The following B9D1 variants were observed in gnomAD, a reference collection of about 807,000 sequenced individuals.
B9D1 encodes B9 domain-containing protein 1.
Under a neutral mutation model 26.1 loss-of-function variants are expected in B9D1, and 20 were observed. That is an observed-to-expected ratio of 0.77 (90% CI 0.54 to 1.12). B9D1 has a LOEUF of 1.12. Among genes scored for constraint, B9D1 ranks in the 50% most tolerant of loss-of-function variants. The pLI is 0.00. For synonymous variants in B9D1, 105 were observed against 103.1 expected, an observed-to-expected ratio of 1.02 and a Z score of -0.11; for missense variants, 260 against 273.7, an observed-to-expected ratio of 0.95 and a Z score of 0.35.
Position 19,352,514 on chromosome 17 carries a change from ATTTTTTTTTT to A in B9D1, c.245-4644_245-4635del, listed in dbSNP as rs34659490. On this transcript the variant is annotated intron_variant, in intron 3 of 6. Coordinates refer to ENST00000261499, the MANE Select transcript of B9D1 (RefSeq NM_015681.6). ...TAGGCACCTGCCACGGGCCTGGCTA[ATTTTTTTTTT>A]TTTTTTTTTTTTTTGAGACGGAGTT... 1.7e-4 allele frequency among the ~76,000 whole-genome samples: 16 copies of A among 95,138 alleles called. No homozygotes were observed. The South Asian group carries it at 6.1e-3, about 36-fold the overall frequency. The allele number at this position is 95,138 out of a possible 152,430, so 62.4% of individuals were successfully genotyped here.
Position 19,347,669 on chromosome 17 carries a change from G to C in B9D1, c.341+115C>G. The C allele has an allele frequency of 9.4e-7, 1 of 1,063,478 alleles. No individual in the cohort carries two copies. Among genetic ancestry groups the C allele is most frequent in the South Asian group, 1.4e-5 (1 of 74,038 alleles). The allele number at this position is 1,063,478 out of a possible 1,614,324, so 65.9% of individuals were successfully genotyped here. A position where few individuals can be genotyped will look rare whatever the true frequency, so the allele number is the denominator to read the frequency against. ...ACCCCCCTGGCCACCAGGCTGAGCT[G>C]CCCAGGCCCCTGGAGACCCCAGAGC... is the stretch of plus-strand genomic sequence containing the variant. On this transcript the variant is annotated intron_variant, in intron 4 of 6. Coordinates refer to ENST00000261499, the MANE Select transcript of B9D1 (RefSeq NM_015681.6). The surrounding 1 kb of genome is among the most constrained non-coding windows in gnomAD (Gnocchi z 4.3).
intron 1 of B9D1, among the ~76,000 whole-genome samples, chr17:19,369,033 T>C (rs1247918981): frequency 6.6e-6 from 1 of 152,090 alleles, no homozygotes; most frequent in Non-Finnish European, 1.5e-5. Flanking sequence ...AGCTACATTT[T>C]CCCCCTCTGA....
upstream of B9D1, among the ~76,000 whole-genome samples, chr17:19,367,237 C>T (rs1272020639): frequency 6.6e-6 from 1 of 152,072 alleles, no homozygotes; most frequent in Non-Finnish European, 1.5e-5. Context: ...GCCTCTGCAC[C>T]TGCACATGAC....
upstream of B9D1, among the ~76,000 whole-genome samples, chr17:19,363,336 G>A (rs1343643702): frequency 6.6e-6 from 1 of 152,262 alleles, no homozygotes; most frequent in African/African-American, 2.4e-5. Context: ...ACCCCAATCA[G>A]CCAGCGCTCA....
At chr17:19,356,907 C>G (rs1051298490) in intron 3 of B9D1, among the ~76,000 whole-genome samples, 3 of 152,170 alleles carry the variant, frequency 2.0e-5, no homozygotes, top group Non-Finnish European at 2.9e-5. Context: ...TGCACTGTTC[C>G]AGGAAGTCTA....
chr17:19,377,835 G>A (rs911670217), intron 1 of B9D1: 1 of 985,398 alleles, frequency 1.0e-6, no homozygotes, highest in Non-Finnish European at 1.2e-6. Context: ...TCGCGGGACA[G>A]ACAAACGAGC....
In B9D1 at chr17:19,374,689, TATC is replaced by T. The variant is rs1247334872; in HGVS notation, c.-298+3167_-298+3169del. ...TAAATAGGTTATATTCGTAAAGGAA[TATC>T]ATGCAGCTGTAAAAATGAGTGCTTT... On this transcript the variant is annotated intron_variant, in intron 1 of 5. Transcript: ENST00000477478. Among the ~76,000 whole-genome samples the T allele has an allele frequency of 3.3e-5, 5 of 152,198 alleles. No homozygotes were observed. The East Asian group carries it at 9.6e-4, about 29-fold the overall frequency.
Position 19,370,116 on chromosome 17 carries a change from C to G in B9D1, c.-298+7743G>C, listed in dbSNP as rs571161145. ...TCAGAGAACTTGGGTACTTCACCGACGGCCACCTCCCATCGCCCTTTCATT... is the reference window on the plus strand; with the variant it reads ...TCAGAGAACTTGGGTACTTCACCGAGGGCCACCTCCCATCGCCCTTTCATT... On this transcript the variant is annotated intron_variant, in intron 1 of 5. Coordinates refer to the B9D1 transcript ENST00000477478. This position sits in a 1 kb window ranked among gnomAD's most constrained non-coding sequence, Gnocchi z 5.1. Among the ~76,000 whole-genome samples, 17 of 152,368 alleles carry G rather than the reference C, an allele frequency of 1.1e-4. No homozygotes were observed. The highest frequency in any genetic ancestry group is 3.6e-4 in the African/African-American group (15 of 41,582).
chr17:19,344,960 T>C (rs1908559585), intron 5 of B9D1, among the ~76,000 whole-genome samples: 1 of 152,192 alleles, frequency 6.6e-6, no homozygotes, highest in East Asian at 1.9e-4. Context: ...AGCAAGACTC[T>C]CACAGCACCC....
At chr17:19,352,217 A>G (rs1909700820) in intron 3 of B9D1, among the ~76,000 whole-genome samples, 1 of 152,066 alleles carries the variant, frequency 6.6e-6, no homozygotes, top group South Asian at 2.1e-4. Context: ...TGGGGTTTTC[A>G]GTTTTAAAAA....
downstream of B9D1, chr17:19,343,151 G>A (rs1422402894): frequency 4.2e-6 from 6 of 1,443,752 alleles, no homozygotes; most frequent in Non-Finnish European, 5.4e-6. Context: ...CTAAACAGGA[G>A]AGAAGGCAGC....
chr17:19,337,700 G>T (rs1025154325), downstream of B9D1: 25 of 1,532,586 alleles, frequency 1.6e-5, no homozygotes, highest in African/African-American at 2.7e-5. Context: ...GACTCAAGCC[G>T]CTTTCATCTT....
chr17:19,363,969 A>G (rs1446288577), upstream of B9D1, among the ~76,000 whole-genome samples: 5 of 152,088 alleles, frequency 3.3e-5, no homozygotes, highest in Non-Finnish European at 7.4e-5. Flanking sequence ...GACAGGGCCC[A>G]TTTCCCCTCC....
At chr17:19,342,523 C>T (rs1015023428), downstream of B9D1, among the ~76,000 whole-genome samples, 4 of 151,864 alleles carry the variant, frequency 2.6e-5, no homozygotes, top group South Asian at 4.2e-4. Context: ...GGGGCTGCCT[C>T]GTGAGGTGCG....
At chr17:19,349,982 G>A (rs1909372024) in intron 3 of B9D1, among the ~76,000 whole-genome samples, 1 of 152,148 alleles carries the variant, frequency 6.6e-6, no homozygotes, top group African/African-American at 2.4e-5. Flanking sequence ...CAGGCTGGCG[G>A]GCGCCTGTAG....
chr17:19,346,890 C>T, intron 5 of B9D1: 1 of 1,419,746 alleles, frequency 7.0e-7, no homozygotes. Context: ...CCAGAGACTC[C>T]CACATGTAAA....
chr17:19,339,664 T>G (rs566646087), downstream of B9D1, among the ~76,000 whole-genome samples: 1 of 152,184 alleles, frequency 6.6e-6, no homozygotes, highest in African/African-American at 2.4e-5. Context: ...CTAATGGAGA[T>G]GTTCCTGGCA....
intron 3 of B9D1, among the ~76,000 whole-genome samples, chr17:19,354,832 A>G (rs979825282): frequency 6.6e-6 from 1 of 152,210 alleles, no homozygotes; most frequent in South Asian, 2.1e-4. Flanking sequence ...CGTCTCGAAA[A>G]AAAGAGAAAA....
At chr17:19,335,202 C>T (rs937763114), downstream of B9D1, 1 of 412,036 alleles carries the variant, frequency 2.4e-6, no homozygotes, top group African/African-American at 2.0e-5. Context: ...AACAAAAAAT[C>T]CTAGCCTCCA....
Sources: allele counts gnomAD v4.1 joint callset (sites outside exome capture counted in the v4.1 genomes callset), GRCh38; gene constraint gnomAD v4.1.1; non-coding constraint Gnocchi (gnomAD v3.1); transcripts MANE v1.5; gene names NCBI Gene and HGNC (gene_info 2026-07-23, HGNC 2026-07-21).